The following PHACTR1 variants were observed in gnomAD, a reference collection of about 807,000 sequenced individuals.
PHACTR1 encodes RPEL repeat containing 1.
A neutral mutation model predicts 69.2 loss-of-function variants in PHACTR1; 16 were observed. That is an observed-to-expected ratio of 0.23 (90% CI 0.16 to 0.35). PHACTR1 has a LOEUF of 0.35. Among genes scored for constraint, PHACTR1 ranks in the 10% least tolerant of loss-of-function variants. PHACTR1 has a pLI of 1.00. For missense variants in PHACTR1, 510 were observed against 734.7 expected, an observed-to-expected ratio of 0.69 and a Z score of 3.54; for synonymous variants, 312 against 284.5, an observed-to-expected ratio of 1.10 and a Z score of -0.97.
At chr6:13,007,133 G>C (rs1229085595) in intron 4 of PHACTR1, among the ~76,000 whole-genome samples, 2 of 152,114 alleles carry the variant, frequency 1.3e-5, no homozygotes, top group African/African-American at 4.8e-5. Context: ...GTGGCATCAT[G>C]CTATAAATAT....
At chr6:12,928,956 G>A (rs961937427) in intron 4 of PHACTR1, among the ~76,000 whole-genome samples, 9 of 152,170 alleles carry the variant, frequency 5.9e-5, no homozygotes, top group Non-Finnish European at 1.2e-4. Context: ...TCTGAGTGTC[G>A]GAGCAAGGCA....
chr6:12,796,285 A>G (rs1487691967), intron 4 of PHACTR1, among the ~76,000 whole-genome samples: 1 of 152,216 alleles, frequency 6.6e-6, no homozygotes, highest in Non-Finnish European at 1.5e-5. Context: ...CAATTTGAGA[A>G]ATAAAACATA....
intron 4 of PHACTR1, among the ~76,000 whole-genome samples, chr6:12,781,996 T>A (rs940071383): frequency 5.3e-5 from 8 of 152,196 alleles, no homozygotes; most frequent in African/African-American, 1.7e-4. Flanking sequence ...CGAATGCCCA[T>A]GGCAGTGGAA....
At chr6:13,224,763 A>G (rs1769308580) in intron 8 of PHACTR1, among the ~76,000 whole-genome samples, 1 of 152,226 alleles carries the variant, frequency 6.6e-6, no homozygotes, top group East Asian at 1.9e-4. Flanking sequence ...CTCCTAGAGC[A>G]GTAGTTTTGT....
chr6:12,748,418 G>C lies in PHACTR1; in HGVS notation c.104-1226G>C, dbSNP rs542643003. Among the ~76,000 whole-genome samples, 3 of 152,236 alleles carry C rather than the reference G, an allele frequency of 2.0e-5. No individual in the cohort carries two copies. In the South Asian group the frequency reaches 6.2e-4, roughly 32 times the overall value. On this transcript the variant is annotated intron_variant, in intron 3 of 14. Transcript: ENST00000332995. ...CCCTTTGTAGCAGGGAGGGAAGCAA[G>C]GTAAGATTTAATCTGTACTCCAGGT...
At chr6:13,122,070 A>G (rs936749254) in intron 5 of PHACTR1, among the ~76,000 whole-genome samples, 3 of 152,318 alleles carry the variant, frequency 2.0e-5, no homozygotes, top group South Asian at 2.1e-4. Context: ...TCTGTGTGAT[A>G]CTGAGGCAGT....
At chr6:13,148,977 A>G (rs936785017) in intron 5 of PHACTR1, among the ~76,000 whole-genome samples, 2 of 152,166 alleles carry the variant, frequency 1.3e-5, no homozygotes, top group Non-Finnish European at 2.9e-5. Flanking sequence ...ATTCTGATCT[A>G]TTAGGATCTT....
rs570705734 is a variant in PHACTR1 at position 12,737,494 on chromosome 6, T to C, written c.104-12150T>C. Among the ~76,000 whole-genome samples the C allele has an allele frequency of 1.4e-3, 215 of 152,276 alleles. 2 individuals are homozygous for C. Among genetic ancestry groups the C allele is most frequent in the Non-Finnish European group, 2.8e-3 (189 of 68,012 alleles). ...ATGATTGCGTGTGTGTATTTTTATA[T>C]GTGATTTTATATATGGCTTTATATA... On this transcript the variant is annotated intron_variant, in intron 3 of 14. Coordinates refer to ENST00000332995, the MANE Select transcript of PHACTR1 (RefSeq NM_030948.6).
At chr6:12,944,334 G>C (rs1202181105) in intron 4 of PHACTR1, among the ~76,000 whole-genome samples, 1 of 152,184 alleles carries the variant, frequency 6.6e-6, no homozygotes, top group East Asian at 1.9e-4. Context: ...CTGTTTGCTA[G>C]TTGACAAAAG....
At chr6:13,003,965 G>GTATATATATATATGTA (rs1798445469) in intron 4 of PHACTR1, among the ~76,000 whole-genome samples, 5 of 96,312 alleles carry the variant, frequency 5.2e-5, no homozygotes, top group African/African-American at 1.2e-4. Flanking sequence ...ATATATATAT[G>GTATATATATATATGTA]TATATATATA....
chr6:12,761,756 A>G (rs185388082), intron 4 of PHACTR1, among the ~76,000 whole-genome samples: 1 of 152,272 alleles, frequency 6.6e-6, no homozygotes, highest in African/African-American at 2.4e-5. Flanking sequence ...TGTTTCCCCA[A>G]CTGAATGCCC....
chr6:12,777,213 C>T (rs897610284), intron 4 of PHACTR1, among the ~76,000 whole-genome samples: 1 of 148,082 alleles, frequency 6.8e-6, no homozygotes, highest in Non-Finnish European at 1.5e-5. Flanking sequence ...TTTATTCAGA[C>T]TACGGTTTTA....
intron 4 of PHACTR1, among the ~76,000 whole-genome samples, chr6:12,992,408 C>A (rs1307544412): frequency 6.6e-6 from 1 of 152,096 alleles, no homozygotes; most frequent in African/African-American, 2.4e-5. Flanking sequence ...TTAATTTAAA[C>A]AATATTTCAA....
chr6:13,014,701 T>A (rs1799908325), intron 4 of PHACTR1, among the ~76,000 whole-genome samples: 1 of 151,146 alleles, frequency 6.6e-6, no homozygotes, highest in Non-Finnish European at 1.5e-5. Context: ...CCTGCTGGAA[T>A]GATGCCCAAA....
intron 8 of PHACTR1, among the ~76,000 whole-genome samples, chr6:13,227,416 T>A (rs1213881370): frequency 4.6e-5 from 7 of 152,238 alleles, no homozygotes; most frequent in Non-Finnish European, 1.5e-5. Context: ...TAATTTTTTT[T>A]AATTATGGTA....
At chr6:13,039,830 A>G (rs570542302) in intron 4 of PHACTR1, among the ~76,000 whole-genome samples, 3 of 152,340 alleles carry the variant, frequency 2.0e-5, no homozygotes, top group African/African-American at 7.2e-5. Context: ...AAGTAAATGA[A>G]GTTTCTTTTC....
At chr6:13,188,633 C>T (rs540506398) in intron 7 of PHACTR1, among the ~76,000 whole-genome samples, 2 of 152,284 alleles carry the variant, frequency 1.3e-5, no homozygotes, top group Admixed American at 6.5e-5. Context: ...TCTACCGTGG[C>T]GTTTGCTTCC....
intron 4 of PHACTR1, among the ~76,000 whole-genome samples, chr6:12,761,615 C>A (rs191070578): frequency 9.8e-4 from 149 of 152,314 alleles, no homozygotes; most frequent in African/African-American, 3.5e-3. Context: ...AGCAACTGTA[C>A]TTCCTACTAG....
At chr6:12,782,792 C>T (rs116105404) in intron 4 of PHACTR1, among the ~76,000 whole-genome samples, 2,615 of 152,136 alleles carry the variant, frequency 0.017, 58 homozygotes, top group African/African-American at 0.049. Context: ...ACCCTGATTA[C>T]GGGAAATGAG....
Sources: gnomAD v4.1 joint callset for allele counts (sites outside exome capture counted in the v4.1 genomes callset) on GRCh38, gnomAD v4.1.1 for gene constraint, MANE v1.5 for transcripts, NCBI Gene and HGNC (gene_info 2026-07-23, HGNC 2026-07-21) for gene names.